Variants in GALNT2 observed in about 807,000 individuals in gnomAD.
GALNT2 encodes polypeptide N-acetylgalactosaminyltransferase 2.
Under a neutral mutation model 81.4 loss-of-function variants are expected in GALNT2, and 31 were observed. The ratio of observed to expected loss-of-function variants is 0.38; its 90% CI spans 0.29 to 0.51. GALNT2 has a LOEUF of 0.51. Among genes scored for constraint, GALNT2 ranks in the 20% least tolerant of loss-of-function variants. The pLI is 0.87. For missense variants in GALNT2, 629 were observed against 765.7 expected (o/e 0.82, Z 2.11); for synonymous variants, 303 against 287.4 (o/e 1.05, Z -0.55).
chr1:230,072,371 C>CGGG (rs113379046), intron 1 of GALNT2, among the ~76,000 whole-genome samples: 59 of 55,380 alleles, frequency 1.1e-3, no homozygotes, highest in African/African-American at 2.8e-3. Flanking sequence ...GCGGGGGTGG[C>CGGG]GGGGGGTGCG....
chr1:230,159,015 C>A (rs998183671), intron 1 of GALNT2, among the ~76,000 whole-genome samples: 6 of 152,166 alleles, frequency 3.9e-5, no homozygotes, highest in Non-Finnish European at 7.3e-5. Context: ...GGTGAAGGGG[C>A]AGGTGGCATG....
intron 1 of GALNT2, among the ~76,000 whole-genome samples, chr1:230,087,200 A>G (rs1442667119): frequency 6.6e-6 from 1 of 150,732 alleles, no homozygotes; most frequent in African/African-American, 2.4e-5. Flanking sequence ...ACCAGTGCAC[A>G]CTCTCCCCAT....
At chr1:230,207,593 A>AT (rs1300865822) in intron 3 of GALNT2, among the ~76,000 whole-genome samples, 149 of 149,988 alleles carry the variant, frequency 9.9e-4, no homozygotes, top group African/African-American at 3.1e-3. Flanking sequence ...AGCCCATCTT[A>AT]TTTTTTTTTT....
At chr1:230,074,088 T>G (rs1479619162) in intron 1 of GALNT2, among the ~76,000 whole-genome samples, 1 of 102,412 alleles carries the variant, frequency 9.8e-6, no homozygotes, top group Non-Finnish European at 2.0e-5. Flanking sequence ...CCATTGACAT[T>G]TTTGGCTGGC....
intron 1 of GALNT2, among the ~76,000 whole-genome samples, chr1:230,104,760 T>C (rs780955609): frequency 9.6e-4 from 147 of 152,366 alleles, no homozygotes; most frequent in South Asian, 4.6e-3. Flanking sequence ...GCAGAGGTGC[T>C]GGCTCATGTG....
chr1:230,202,241 A>C (rs1394852425), intron 2 of GALNT2, among the ~76,000 whole-genome samples: 1 of 151,926 alleles, frequency 6.6e-6, no homozygotes, highest in Non-Finnish European at 1.5e-5. Flanking sequence ...CTCTCCTTCC[A>C]CCTGTCTTCT....
chr1:230,117,606 T>C (rs1476485238), intron 1 of GALNT2, among the ~76,000 whole-genome samples: 3 of 152,136 alleles, frequency 2.0e-5, no homozygotes, highest in Non-Finnish European at 4.4e-5. Context: ...GAACAGCCAG[T>C]GAGTGGGGGA....
rs536511196 is a variant in GALNT2 at position 230,130,670 on chromosome 1, C to T, written c.127-47548C>T. Among the ~76,000 whole-genome samples, 23 of 152,296 alleles carry T rather than the reference C, an allele frequency of 1.5e-4. No individual in the cohort carries two copies. In the South Asian group the frequency reaches 4.2e-3, roughly 27 times the overall value. On this transcript the variant is annotated intron_variant, in intron 1 of 15. Coordinates refer to ENST00000366672, the MANE Select transcript of GALNT2 (RefSeq NM_004481.5). ...GGACAAGCAGCCCGGAGCTGCTGCC[C>T]GGCTGTGCCCAAAGTGGGATTTCTG... is the stretch of plus-strand genomic sequence containing the variant.
intron 1 of GALNT2, among the ~76,000 whole-genome samples, chr1:230,094,143 G>A (rs1232830328): frequency 6.7e-6 from 1 of 149,276 alleles, no homozygotes; most frequent in Non-Finnish European, 1.5e-5. Flanking sequence ...GAATACAGGT[G>A]TGTGCCACCA....
intron 1 of GALNT2, among the ~76,000 whole-genome samples, chr1:230,165,167 C>CT (rs1662562022): frequency 6.6e-6 from 1 of 152,244 alleles, no homozygotes; most frequent in African/African-American, 2.4e-5. Flanking sequence ...ATTCTCCACT[C>CT]TTAACACAAT....
At chr1:230,240,132 A>G (rs1050280964) in intron 6 of GALNT2, among the ~76,000 whole-genome samples, 13 of 152,080 alleles carry the variant, frequency 8.5e-5, no homozygotes, top group Admixed American at 8.5e-4. Context: ...GTTTCTTTCC[A>G]TAGATTGGAG....
intron 3 of GALNT2, among the ~76,000 whole-genome samples, chr1:230,219,483 G>A (rs1055379258): frequency 6.6e-6 from 1 of 151,868 alleles, no homozygotes; most frequent in African/African-American, 2.4e-5. Flanking sequence ...GCCACTCTTG[G>A]TCCAGTCCCT....
At chr1:230,160,591 G>C (rs966720623) in intron 1 of GALNT2, among the ~76,000 whole-genome samples, 2 of 152,066 alleles carry the variant, frequency 1.3e-5, no homozygotes, top group Non-Finnish European at 2.9e-5. Context: ...GTGGGCGCCT[G>C]TAATCCCAGC....
At chr1:230,228,413 A>C (rs1316622609) in intron 3 of GALNT2, among the ~76,000 whole-genome samples, 1 of 152,178 alleles carries the variant, frequency 6.6e-6, no homozygotes, top group Admixed American at 6.5e-5. Flanking sequence ...GCAGCATGGT[A>C]CAGGTGCGGG....
chr1:230,184,783 A>G (rs1268200834), intron 2 of GALNT2, among the ~76,000 whole-genome samples: 1 of 152,028 alleles, frequency 6.6e-6, no homozygotes, highest in Admixed American at 6.5e-5. Context: ...TTCAACATTA[A>G]TTTGGGGAAA....
Position 230,156,087 on chromosome 1 carries a change from AAG to A in GALNT2, c.127-22124_127-22123del, listed in dbSNP as rs531829406. On this transcript the variant is annotated intron_variant, in intron 1 of 15. Coordinates refer to ENST00000366672, the MANE Select transcript of GALNT2 (RefSeq NM_004481.5). ...TTTGTGTTTTTAGGGTGGGGAAGAGAAGAGAGAGTCATTGATTTTAGATACAA... is the reference window on the plus strand; with the variant it reads ...TTTGTGTTTTTAGGGTGGGGAAGAGAAGAGAGTCATTGATTTTAGATACAA... 9.9e-5 allele frequency among the ~76,000 whole-genome samples: 15 copies of A among 151,894 alleles called. No individual in the cohort carries two copies. The East Asian group carries it at 1.4e-3, about 14-fold the overall frequency.
intron 3 of GALNT2, among the ~76,000 whole-genome samples, chr1:230,206,321 G>A (rs990029884): frequency 6.6e-6 from 1 of 151,980 alleles, no homozygotes; most frequent in Non-Finnish European, 1.5e-5. Flanking sequence ...CCAAACAGAT[G>A]TTTGAATATT....
chr1:230,060,895 AT>A (rs746444542), intron 1 of GALNT2, among the ~76,000 whole-genome samples: 11 of 152,080 alleles, frequency 7.2e-5, no homozygotes, highest in Non-Finnish European at 1.6e-4. Context: ...TCCTTTTAAC[AT>A]TGTGCTCTCT....
intron 3 of GALNT2, among the ~76,000 whole-genome samples, chr1:230,217,119 T>G (rs948293917): frequency 9.2e-5 from 14 of 151,868 alleles, no homozygotes; most frequent in African/African-American, 3.4e-4. Context: ...GAGCTCACAT[T>G]AAGAGGATGG....
Sources: gnomAD v4.1 joint callset for allele counts (sites outside exome capture counted in the v4.1 genomes callset) on GRCh38, gnomAD v4.1.1 for gene constraint, MANE v1.5 for transcripts, NCBI Gene and HGNC (gene_info 2026-07-23, HGNC 2026-07-21) for gene names.